Variants in FMN1 observed in about 807,000 individuals in gnomAD.
FMN1 encodes the protein formin-1.
Under a neutral mutation model 132.4 loss-of-function variants are expected in FMN1, and 110 were observed. That is an observed-to-expected ratio of 0.83 (90% CI 0.71 to 0.97). FMN1 has a LOEUF of 0.97. Ranked by LOEUF, FMN1 falls within the 50% of genes least tolerant of loss-of-function variation. The probability of loss-of-function intolerance (pLI) is 0.00; values close to 1 mark genes in which losing one functional copy is unlikely to be tolerated. For missense variants in FMN1, 1,792 were observed against 1,705.3 expected (o/e 1.05, Z -0.90); for synonymous variants, 722 against 651.7 (o/e 1.11, Z -1.64).
At chr15:33,067,291 A>G in intron 5 of FMN1, 2 of 1,613,822 alleles carry the variant, frequency 1.2e-6, no homozygotes, top group South Asian at 2.2e-5. Flanking sequence ...AGAGCTCTGC[A>G]CCATTCATTT....
chr15:33,106,395 C>A (rs1312521689), intron 4 of FMN1, among the ~76,000 whole-genome samples: 1 of 151,696 alleles, frequency 6.6e-6, no homozygotes, highest in East Asian at 1.9e-4. Context: ...CAGCTTTCTT[C>A]AATGTGTACA....
At chr15:33,143,974 G>GA (rs1392536449) in intron 4 of FMN1, among the ~76,000 whole-genome samples, 1 of 152,110 alleles carries the variant, frequency 6.6e-6, no homozygotes, top group Non-Finnish European at 1.5e-5. Context: ...CTATCGCCTT[G>GA]ATAGAAATAT....
intron 4 of FMN1, among the ~76,000 whole-genome samples, chr15:33,121,939 CATT>C (rs1295159707): frequency 2.0e-5 from 3 of 152,212 alleles, no homozygotes; most frequent in African/African-American, 7.2e-5. Context: ...AGGTCTCTCT[CATT>C]GTGTTACCAA....
intron 6 of FMN1, among the ~76,000 whole-genome samples, chr15:33,053,778 G>GGAGTCTT (rs1261214461): frequency 6.6e-6 from 1 of 152,140 alleles, no homozygotes; most frequent in Non-Finnish European, 1.5e-5. Context: ...TCCAGTAAAG[G>GGAGTCTT]GAGTCTCTGC....
intron 17 of FMN1, among the ~76,000 whole-genome samples, chr15:32,844,567 CAT>C (rs2058816516): frequency 1.3e-5 from 2 of 152,196 alleles, no homozygotes; most frequent in African/African-American, 2.4e-5. Context: ...TAATTATACA[CAT>C]GACTATCTTC....
intron 20 of FMN1, 151 bp downstream of exon 20, chr15:32,776,684 A>G (rs959139075): frequency 7.0e-6 from 4 of 574,636 alleles, no homozygotes; most frequent in African/African-American, 6.0e-5. Context: ...CCACCCACAC[A>G]TACTTTTTTT....
chr15:32,974,778 T>G (rs1259742033), intron 7 of FMN1, among the ~76,000 whole-genome samples: 1 of 139,508 alleles, frequency 7.2e-6, no homozygotes, highest in African/African-American at 2.5e-5. Flanking sequence ...ATCAATGGGT[T>G]CTTTTGGCAA....
chr15:33,011,309 A>G (rs1189814543), intron 6 of FMN1, among the ~76,000 whole-genome samples: 2 of 152,160 alleles, frequency 1.3e-5, no homozygotes, highest in African/African-American at 4.8e-5. Context: ...TTAGTTACAC[A>G]AAGAATGATC....
intron 19 of FMN1, among the ~76,000 whole-genome samples, chr15:32,797,629 T>A (rs1345660479): frequency 6.6e-6 from 1 of 152,160 alleles, no homozygotes; most frequent in African/African-American, 2.4e-5. Context: ...ATATAATGGA[T>A]ATATTCAGTT....
chr15:33,012,801 T>C (rs1378616118), intron 6 of FMN1: 52 of 676,162 alleles, frequency 7.7e-5, no homozygotes, highest in Non-Finnish European at 1.3e-4. Context: ...GTGGCTTTAG[T>C]GGCAGCTGTG....
intron 5 of FMN1, among the ~76,000 whole-genome samples, chr15:33,071,144 CAT>C (rs1236059508): frequency 2.0e-5 from 3 of 152,162 alleles, no homozygotes; most frequent in African/African-American, 7.2e-5. Flanking sequence ...AGAAGACAAA[CAT>C]CACCAAAAAC....
At chr15:32,979,555 CAAAAAAAAAAAAAAA>C (rs66993265) in intron 7 of FMN1, among the ~76,000 whole-genome samples, 1 of 57,448 alleles carries the variant, frequency 1.7e-5, no homozygotes, top group African/African-American at 5.3e-5. Flanking sequence ...GACTCTGTCT[CAAAAAAAAAAAAAAA>C]AAAAAAAAAG....
rs757291837 is a variant in FMN1 at position 32,776,932 on chromosome 15, T to C, written c.4131-13A>G. 3.4e-5 allele frequency: 51 copies of C among 1,503,878 alleles called. No homozygotes were observed. Among genetic ancestry groups the C allele is most frequent in the South Asian group, 9.5e-5 (8 of 84,444 alleles). The allele number at this position is 1,503,878 out of a possible 1,614,324, so 93.2% of individuals were successfully genotyped here. Reference sequence around the variant, plus strand: ...AGCCATTTTCAATCTGAAATAGAAATAGGGAAAAGACAGGGGAGAGAGGGA... The same window carrying C: ...AGCCATTTTCAATCTGAAATAGAAACAGGGAAAAGACAGGGGAGAGAGGGA... On this transcript the variant is annotated splice_polypyrimidine_tract_variant and intron_variant, in intron 19 of 20. Coordinates refer to ENST00000616417, the MANE Select transcript of FMN1 (RefSeq NM_001277313.2).
chr15:33,073,270 T>C (rs1284389726), intron 5 of FMN1, among the ~76,000 whole-genome samples: 1 of 152,224 alleles, frequency 6.6e-6, no homozygotes. Flanking sequence ...TGATTCTCCT[T>C]GTCCAACTTA....
chr15:32,915,447 A>G (rs1299855055), intron 10 of FMN1, among the ~76,000 whole-genome samples: 1 of 152,250 alleles, frequency 6.6e-6, no homozygotes, highest in African/African-American at 2.4e-5. Context: ...GAAAGAAGTC[A>G]GTCTTCAACT....
intron 4 of FMN1, among the ~76,000 whole-genome samples, chr15:33,126,136 G>A (rs1963042439): frequency 1.3e-5 from 2 of 151,886 alleles, no homozygotes; most frequent in African/African-American, 4.8e-5. Flanking sequence ...CACAGCTGCT[G>A]ACTAAATGAG....
At chr15:32,857,316 C>G (rs2059157053) in intron 16 of FMN1, among the ~76,000 whole-genome samples, 1 of 152,194 alleles carries the variant, frequency 6.6e-6, no homozygotes, top group Non-Finnish European at 1.5e-5. Flanking sequence ...TTCTACACCA[C>G]TCTTGAGGAA....
At chr15:32,978,512 T>G (rs2032391287) in intron 7 of FMN1, among the ~76,000 whole-genome samples, 1 of 152,254 alleles carries the variant, frequency 6.6e-6, no homozygotes, top group Non-Finnish European at 1.5e-5. Flanking sequence ...CTGCACATTT[T>G]AGGCAATGAG....
Position 32,770,889 on chromosome 15 carries a change from CA to C in FMN1, c.*3420del, listed in dbSNP as rs1349619837. ...GTGTGTAGAAAGACACCATCATCAA[CA>C]TAAGGATTCAAAAGGCAACTGTTGG... On this transcript the variant is annotated 3_prime_UTR_variant, in exon 21 of 21. Transcript: ENST00000616417. 3 of 151,942 alleles carry C rather than the reference CA, an allele frequency of 2.0e-5. No individual in the cohort carries two copies. 9.4% of individuals were successfully genotyped at this position (151,942 alleles called of 1,614,324 possible). A position where few individuals can be genotyped will look rare whatever the true frequency, so the allele number is the denominator to read the frequency against.
Sources: gnomAD v4.1 joint callset for allele counts (sites outside exome capture counted in the v4.1 genomes callset) on GRCh38, gnomAD v4.1.1 for gene constraint, MANE v1.5 for transcripts, NCBI Gene and HGNC (gene_info 2026-07-23, HGNC 2026-07-21) for gene names.